The following TENM2 variants were observed in gnomAD, a reference collection of about 807,000 sequenced individuals.
TENM2 encodes teneurin transmembrane protein 2.
A neutral mutation model predicts 245.2 loss-of-function variants in TENM2; 52 were observed. The ratio of observed to expected loss-of-function variants is 0.21; its 90% CI spans 0.17 to 0.27. The LOEUF (loss-of-function observed/expected upper bound fraction) is 0.27, where lower values mean the gene tolerates loss of function less well. Among genes scored for constraint, TENM2 ranks in the 10% least tolerant of loss-of-function variants. The pLI is 1.00. For synonymous variants in TENM2, 1,363 were observed against 1,438.9 expected, an observed-to-expected ratio of 0.95 and a Z score of 1.19; for missense variants, 3,046 against 3,666.8, an observed-to-expected ratio of 0.83 and a Z score of 4.37.
Position 167,700,977 on chromosome 5 carries a change from A to G in TENM2, c.503-175009A>G, listed in dbSNP as rs565804002. Among the ~76,000 whole-genome samples the G allele has an allele frequency of 2.8e-5, 4 of 144,858 alleles. No individual in the cohort carries two copies. In the East Asian group the frequency reaches 8.7e-4, roughly 32 times the overall value. Reference sequence around the variant, plus strand: ...AAAAAAAAAAAAAAAAAAAAAAGCTAGCAAGTTTTTGGGGAACTCCAGGGA... The same window carrying G: ...AAAAAAAAAAAAAAAAAAAAAAGCTGGCAAGTTTTTGGGGAACTCCAGGGA... On this transcript the variant is annotated intron_variant, in intron 2 of 28. Coordinates refer to ENST00000518659, the Ensembl canonical transcript of TENM2.
chr5:167,331,261 A>G (rs535431413), intron 1 of TENM2, among the ~76,000 whole-genome samples: 1 of 151,636 alleles, frequency 6.6e-6, no homozygotes, highest in Non-Finnish European at 1.5e-5. Flanking sequence ...AAAGACAAGA[A>G]AAAAGAAAGA....
intron 2 of TENM2, among the ~76,000 whole-genome samples, chr5:167,805,464 G>A (rs1766095789): frequency 6.6e-6 from 1 of 152,098 alleles, no homozygotes; most frequent in African/African-American, 2.4e-5. Context: ...ATAAGTCCAT[G>A]AGGGCACTTT....
At chr5:167,367,683 G>A (rs995921338) in intron 1 of TENM2, among the ~76,000 whole-genome samples, 13 of 151,822 alleles carry the variant, frequency 8.6e-5, no homozygotes, top group African/African-American at 2.7e-4. Flanking sequence ...TGTTGATAAC[G>A]GTTTTAAACC....
At chr5:168,039,476 A>G (rs891404314) in intron 5 of TENM2, among the ~76,000 whole-genome samples, 2 of 152,190 alleles carry the variant, frequency 1.3e-5, no homozygotes, top group African/African-American at 2.4e-5. Context: ...AATAAAACCT[A>G]CCGATATTAT....
chr5:167,209,235 A>G, the TENM2 span, among the ~76,000 whole-genome samples: 1 of 152,154 alleles, frequency 6.6e-6, no homozygotes, highest in Non-Finnish European at 1.5e-5. Flanking sequence ...TGGCATATGA[A>G]AAACATTTTT....
At chr5:167,458,505 A>C (rs1420158334) in intron 2 of TENM2, among the ~76,000 whole-genome samples, 2 of 149,166 alleles carry the variant, frequency 1.3e-5, no homozygotes, top group African/African-American at 4.9e-5. Context: ...AAAAAAAAAA[A>C]AAAAAAAAAA....
At chr5:167,568,646 GGTGTGTGTGTGTGTGTGTGT>G (rs3138740) in intron 2 of TENM2, among the ~76,000 whole-genome samples, 1 of 142,520 alleles carries the variant, frequency 7.0e-6, no homozygotes, top group African/African-American at 2.6e-5. Context: ...CAGAGACCAT[GGTGTGTGTGTGTGTGTGTGT>G]GTGTGTGTGT....
the TENM2 span, among the ~76,000 whole-genome samples, chr5:167,078,198 G>T: frequency 6.6e-6 from 1 of 151,948 alleles, no homozygotes; most frequent in Non-Finnish European, 1.5e-5. Context: ...AAGTGGGAAT[G>T]TTGGGCCGGG....
intron 2 of TENM2, among the ~76,000 whole-genome samples, chr5:167,521,580 G>T (rs937249809): frequency 6.6e-6 from 1 of 152,140 alleles, no homozygotes; most frequent in African/African-American, 2.4e-5. Flanking sequence ...ACATTGCCAT[G>T]GCATTTTAAT....
At chr5:167,249,977 T>C in the TENM2 span, among the ~76,000 whole-genome samples, 1 of 152,102 alleles carries the variant, frequency 6.6e-6, no homozygotes, top group Non-Finnish European at 1.5e-5. Context: ...TAAATGGTAG[T>C]GGGGAGCCTT....
At chr5:168,260,489 G>C (rs539290768) in intron 28 of TENM2, 76 bp downstream of exon 30, 1 of 1,554,026 alleles carries the variant, frequency 6.4e-7, no homozygotes, top group East Asian at 2.3e-5. Flanking sequence ...ATGGGAGCCA[G>C]GGGCATGTCA....
In TENM2 at chr5:168,098,020, T is replaced by C; in HGVS notation, c.1712-6T>C. Reference sequence around the variant, plus strand: ...AAGGTAAACACTACATTTATCTCTTTTTCAGATTCAGTGCAGGACTGTCCA... The same window carrying C: ...AAGGTAAACACTACATTTATCTCTTCTTCAGATTCAGTGCAGGACTGTCCA... On this transcript the variant is annotated splice_region_variant and splice_polypyrimidine_tract_variant and intron_variant, in intron 8 of 28. Transcript: ENST00000518659. 2 of 1,607,702 alleles carry C rather than the reference T, an allele frequency of 1.2e-6. No individual in the cohort carries two copies. The highest frequency in any genetic ancestry group is 1.1e-5 in the South Asian group (1 of 90,472).
chr5:167,012,630 T>A, the TENM2 span, among the ~76,000 whole-genome samples: 1 of 152,178 alleles, frequency 6.6e-6, no homozygotes, highest in Non-Finnish European at 1.5e-5. Context: ...ATTCCAAGGC[T>A]GCCATGGAAG....
intron 3 of TENM2, among the ~76,000 whole-genome samples, chr5:167,879,267 A>C (rs560033313): frequency 2.0e-4 from 31 of 152,272 alleles, no homozygotes; most frequent in African/African-American, 7.0e-4. Context: ...TTGGAGTCAA[A>C]TTGCTCTAAC....
At chr5:167,968,625 G>A (rs146831052) in intron 4 of TENM2, among the ~76,000 whole-genome samples, 186 of 152,228 alleles carry the variant, frequency 1.2e-3, no homozygotes, top group African/African-American at 4.0e-3. Flanking sequence ...TTAAAATCCC[G>A]CCCTAAAGGG....
intron 25 of TENM2, among the ~76,000 whole-genome samples, chr5:168,243,204 C>G (rs1194864832): frequency 6.6e-6 from 1 of 152,216 alleles, no homozygotes; most frequent in Non-Finnish European, 1.5e-5. Flanking sequence ...CAGCCACCCA[C>G]TCAGGGCTAG....
chr5:168,198,980 A>G (rs1343670663), exon 16 of TENM2: 1 of 1,613,876 alleles, frequency 6.2e-7, no homozygotes, highest in Admixed American at 1.7e-5. Context: ...CCTGGTGATG[A>G]AGACCGAGGA....
At chr5:167,146,647 A>G in the TENM2 span, among the ~76,000 whole-genome samples, 3 of 152,224 alleles carry the variant, frequency 2.0e-5, no homozygotes, top group Admixed American at 6.5e-5. Context: ...AACAGAGTCC[A>G]GCTTGACTGC....
At chr5:167,015,821 G>A in the TENM2 span, among the ~76,000 whole-genome samples, 4 of 152,016 alleles carry the variant, frequency 2.6e-5, no homozygotes, top group Non-Finnish European at 4.4e-5. Context: ...GGACTGTGAT[G>A]TTGAGTTATC....
Sources: gnomAD v4.1 joint callset for allele counts (sites outside exome capture counted in the v4.1 genomes callset) on GRCh38, gnomAD v4.1.1 for gene constraint, MANE v1.5 for transcripts, NCBI Gene and HGNC (gene_info 2026-07-23, HGNC 2026-07-21) for gene names.